CEP162: variants seen among roughly 807,000 people sequenced by gnomAD.
CEP162 encodes centrosomal protein 162, also known as centrosomal protein of 162 kDa.
In CEP162, 141 loss-of-function variants were observed where a neutral mutation model predicts 169.2. The ratio of observed to expected loss-of-function variants is 0.83; its 90% confidence interval spans 0.73 to 0.96. The LOEUF (loss-of-function observed/expected upper bound fraction) is 0.96, where lower values mean the gene tolerates loss of function less well. CEP162 is among the 40% of genes least tolerant of loss of function. CEP162 has a pLI of 0.00. For missense variants in CEP162, 1,600 were observed against 1,587.2 expected (o/e 1.01, Z -0.14); for synonymous variants, 540 against 526.4 (o/e 1.03, Z -0.35).
chr6:84,171,682 G>T lies in CEP162; in HGVS notation c.2203C>A (p.Gln735Lys). The stretch of plus-strand genomic sequence containing the variant: ...TCCTCATTTTTCTTGTTTTGTTCTT[G>T]GAGATCTTTTACTTGATTATATAAT... ...ERLYNQVKDLQEQNKKNEERM... is the reference protein window; with the variant it reads ...ERLYNQVKDLKEQNKKNEERM... The change falls in exon 17 of 27, where the codon CAA becomes AAA. Residue 735 changes from glutamine (Q) to lysine (K), a missense_variant. Gln to Lys is a moderately conservative substitution (Grantham distance 53). Transcript: ENST00000403245. 1 of 1,531,874 alleles carries T rather than the reference G, an allele frequency of 6.5e-7. No individual in the cohort carries two copies. Among genetic ancestry groups the T allele is most frequent in the South Asian group, 1.3e-5 (1 of 78,302 alleles). 94.9% of individuals were successfully genotyped at this position (1,531,874 alleles called of 1,614,324 possible). A position where few individuals can be genotyped will look rare whatever the true frequency, so the allele number is the denominator to read the frequency against.
Position 84,155,379 on chromosome 6 carries a change from C to CT in CEP162, c.2912dup (p.Leu972AlafsTer4). ...CTTTGCCCTCCAGATCAGCTTCTAG[C>CT]TTTTTTATCCTTTTCTCCATAAATT... On this transcript the variant is annotated frameshift_variant, in exon 22 of 27. Transcript: ENST00000403245. LOFTEE classifies it high-confidence loss of function. 1 of 1,613,572 alleles carries CT rather than the reference C, an allele frequency of 6.2e-7. No homozygotes were observed. The highest frequency in any genetic ancestry group is 8.5e-7 in the Non-Finnish European group (1 of 1,179,652).
Position 84,152,674 on chromosome 6 carries a change from G to C in CEP162, c.3500C>G (p.Ser1167Cys), listed in dbSNP as rs1383782679. The C allele has an allele frequency of 1.2e-6, 2 of 1,611,878 alleles. No individual in the cohort carries two copies. Among genetic ancestry groups the C allele is most frequent in the Admixed American group, 3.4e-5 (2 of 59,632 alleles). Reference protein sequence around the residue: ...KLYQPHTFTDSHVSEVLQENY... With the variant: ...KLYQPHTFTDCHVSEVLQENY... ...TTCTTGTAAAACTTCTGAAACATGG[G>C]AATCAGTGAAAGTATGTGGTTGGTA... Residue 1167 changes from serine to cysteine, a missense_variant, in exon 23 of 27, where the codon TCC becomes TGC. Coordinates refer to ENST00000403245, the MANE Select transcript of CEP162 (RefSeq NM_014895.4).
chr6:84,163,342 A>G (rs2099526506), intron 18 of CEP162, 72 bp from the exon 19 acceptor site: 1 of 1,168,616 alleles, frequency 8.6e-7, no homozygotes. Flanking sequence ...TCTTTCAAAC[A>G]ATCCATCATG....
chr6:84,145,122 G>A (rs913620206), intron 25 of CEP162, among the ~76,000 whole-genome samples: 17 of 152,054 alleles, frequency 1.1e-4, no homozygotes, highest in African/African-American at 3.6e-4. Flanking sequence ...GAAAAAACTG[G>A]CTTGGTACCT....
chr6:84,160,525 GTTCCAAAATTCTACT>G (rs1237129990), intron 21 of CEP162, among the ~76,000 whole-genome samples: 1 of 152,152 alleles, frequency 6.6e-6, no homozygotes, highest in Non-Finnish European at 1.5e-5. Flanking sequence ...TATATCCAGA[GTTCCAAAATTCTACT>G]TCCTTCTTCC....
intron 3 of CEP162, among the ~76,000 whole-genome samples, chr6:84,219,921 G>A (rs756960192): frequency 6.6e-6 from 1 of 152,156 alleles, no homozygotes; most frequent in Admixed American, 6.6e-5. Flanking sequence ...TGTGACAAGA[G>A]AGCTAGAAGA....
chr6:84,147,718 A>T (rs547520126), intron 24 of CEP162, among the ~76,000 whole-genome samples: 1 of 152,188 alleles, frequency 6.6e-6, no homozygotes, highest in Non-Finnish European at 1.5e-5. Context: ...ATTTGGAAAA[A>T]GGTAGACAAT....
intron 8 of CEP162, among the ~76,000 whole-genome samples, chr6:84,201,207 G>T (rs1456859312): frequency 6.6e-6 from 1 of 152,220 alleles, no homozygotes; most frequent in Non-Finnish European, 1.5e-5. Context: ...GAACCTGGGA[G>T]GTGGAGCTTG....
intron 18 of CEP162, among the ~76,000 whole-genome samples, chr6:84,166,337 T>C (rs1244080557): frequency 1.3e-5 from 2 of 152,236 alleles, no homozygotes; most frequent in Non-Finnish European, 2.9e-5. Flanking sequence ...AATCTTTGCA[T>C]GGCTGGCTGT....
chr6:84,133,520 G>A (rs567381607), intron 25 of CEP162, among the ~76,000 whole-genome samples: 3 of 152,268 alleles, frequency 2.0e-5, no homozygotes, highest in Admixed American at 1.3e-4. Flanking sequence ...CACCCAGTTT[G>A]AGCTTCCTGG....
chr6:84,128,035 A>G (rs976748933), intron 25 of CEP162, among the ~76,000 whole-genome samples: 13 of 152,200 alleles, frequency 8.5e-5, no homozygotes, highest in African/African-American at 2.9e-4. Flanking sequence ...CTGACTCCTC[A>G]CATAAAATGT....
intron 25 of CEP162, among the ~76,000 whole-genome samples, chr6:84,145,975 A>G (rs2099518686): frequency 6.6e-6 from 1 of 152,118 alleles, no homozygotes; most frequent in African/African-American, 2.4e-5. Context: ...TAGAGGCCTA[A>G]CTTTGATGAG....
chr6:84,222,692 T>C (rs79123491), intron 2 of CEP162, among the ~76,000 whole-genome samples: 5,475 of 152,332 alleles, frequency 0.036, 173 homozygotes, highest in African/African-American at 0.085. Flanking sequence ...CTTTCCACTA[T>C]ACTATGTAGT....
At position 84,175,339 on chromosome 6, in the gene CEP162, A is replaced by G. The variant is rs912497549; in HGVS notation, c.1672T>C (p.Ser558Pro). Reference sequence around the variant, plus strand: ...GCAGGCTTGATGAGTTTTGTTCCAGATAAGATTTCTAAATATTATAAACAA... The same window carrying G: ...GCAGGCTTGATGAGTTTTGTTCCAGGTAAGATTTCTAAATATTATAAACAA... The part of the protein sequence containing the change: ...SNQPRKKEIL[S>P]GTKLIKPAAL... Residue 558 changes from serine (S) to proline (P), a missense_variant, in exon 14 of 27, where the codon TCT becomes CCT. Ser to Pro is a moderately conservative substitution (Grantham distance 74, BLOSUM62 -1). Coordinates refer to ENST00000403245, the MANE Select transcript of CEP162 (RefSeq NM_014895.4). The G allele has an allele frequency of 1.4e-5, 22 of 1,540,694 alleles. No homozygotes were observed. In the African/African-American group the frequency reaches 1.5e-4, roughly 11 times the overall value.
At chr6:84,194,377 A>G (rs2099541204) in intron 10 of CEP162, among the ~76,000 whole-genome samples, 2 of 142,470 alleles carry the variant, frequency 1.4e-5, no homozygotes, top group African/African-American at 2.5e-5. Context: ...AGAAAAGAAA[A>G]GAAAGTGAAA....
At chr6:84,186,201 A>G (rs1255936193) in intron 12 of CEP162, 131 bp downstream of exon 12, 1 of 541,460 alleles carries the variant, frequency 1.8e-6, no homozygotes, top group African/African-American at 1.9e-5. Context: ...CAAATATCCA[A>G]GATCTACTGT....
chr6:84,220,216 C>T (rs537044831), intron 3 of CEP162, among the ~76,000 whole-genome samples: 1 of 152,232 alleles, frequency 6.6e-6, no homozygotes, highest in Non-Finnish European at 1.5e-5. Flanking sequence ...CCTAGAGATA[C>T]AGAAATTCTA....
At chr6:84,215,195 T>C in intron 5 of CEP162, 87 bp downstream of exon 5, 1 of 629,896 alleles carries the variant, frequency 1.6e-6, no homozygotes, top group Non-Finnish European at 2.5e-6. Context: ...CCTGTTATAA[T>C]GTTTACCTAT....
chr6:84,182,396 T>A (rs542652530), intron 13 of CEP162, among the ~76,000 whole-genome samples: 12 of 151,912 alleles, frequency 7.9e-5, no homozygotes, highest in Non-Finnish European at 1.6e-4. Context: ...AGTCTAAAAA[T>A]AAAAACACAA....
Sources: allele counts gnomAD v4.1 joint callset (sites outside exome capture counted in the v4.1 genomes callset), GRCh38; gene constraint gnomAD v4.1.1; transcripts MANE v1.5; gene names NCBI Gene and HGNC (gene_info 2026-07-23, HGNC 2026-07-21).